INTS6: variants seen among roughly 807,000 people sequenced by gnomAD.
The protein encoded by INTS6 is DEAD box protein.
Under a neutral mutation model 104.9 loss-of-function variants are expected in INTS6, and 16 were observed. The observed-to-expected ratio is 0.15, with a 90% CI of 0.10 to 0.23. The LOEUF (loss-of-function observed/expected upper bound fraction) is 0.23, where lower values mean the gene tolerates loss of function less well. Among genes scored for constraint, INTS6 ranks in the 10% least tolerant of loss-of-function variants. The pLI is 1.00. For missense variants in INTS6, 584 were observed against 1,062.8 expected, an observed-to-expected ratio of 0.55 and a Z score of 6.26; for synonymous variants, 324 against 358.7, an observed-to-expected ratio of 0.90 and a Z score of 1.09.
At chr13:51,395,051 A>G (rs1956311084) in intron 5 of INTS6, among the ~76,000 whole-genome samples, 1 of 152,218 alleles carries the variant, frequency 6.6e-6, no homozygotes, top group Non-Finnish European at 1.5e-5. Context: ...ACAACTTCAA[A>G]TAATAGCATT....
Position 51,364,035 on chromosome 13 carries a change from A to G in INTS6, c.*1717T>C, listed in dbSNP as rs983683076. 1.2e-5 allele frequency: 4 copies of G among 345,188 alleles called. No individual in the cohort carries two copies. Among genetic ancestry groups the G allele is most frequent in the Admixed American group, 4.7e-5 (1 of 21,468 alleles). The allele number at this position is 345,188 out of a possible 1,614,324, so 21.4% of individuals were successfully genotyped here. A position where few individuals can be genotyped will look rare whatever the true frequency, so the allele number is the denominator to read the frequency against. On this transcript the variant is annotated 3_prime_UTR_variant, in exon 18 of 18. Transcript: ENST00000311234. ...TAGTAATTCCAGAATCTAAATATATATAATTTAGGAACAGACAATATATTC... is the reference window on the plus strand; with the variant it reads ...TAGTAATTCCAGAATCTAAATATATGTAATTTAGGAACAGACAATATATTC...
At position 51,451,981 on chromosome 13, in the gene INTS6, G is replaced by A. The variant is rs751078298; in HGVS notation, c.186C>T (p.Ile62=). Residue 62 remains isoleucine (I), a synonymous_variant, in exon 2 of 18, where the codon ATC becomes ATT. Transcript: ENST00000311234. ...LVTFEEPPYA[I]KAGWKENHAT... ...GGGGGAGGGCGAGGGCTGTTACCTT[G>A]ATAGCATAGGGCGGCTCTTCGAAAG... is the stretch of plus-strand genomic sequence containing the variant. 6.2e-7 allele frequency: 1 copy of A among 1,608,818 alleles called. No homozygotes were observed. The highest frequency in any genetic ancestry group is 8.5e-7 in the Non-Finnish European group (1 of 1,176,868).
the INTS6 span, chr13:51,339,676 A>G: frequency 2.0e-5 from 3 of 152,250 alleles, no homozygotes; most frequent in South Asian, 6.2e-4. Flanking sequence ...AAAGGGGAGC[A>G]CATGAATGCT....
In INTS6 at chr13:51,452,065, G is replaced by A; in HGVS notation, c.112-10C>T. On this transcript the variant is annotated splice_polypyrimidine_tract_variant and intron_variant, in intron 1 of 17. Transcript: ENST00000311234. This position sits in a 1 kb window ranked among gnomAD's most constrained non-coding sequence, Gnocchi z 4.2. ...GGTCCCGGGCACGGAGCTGCGGGAC[G>A]GGAGGAGGAACAGGGCGGGCGACAG... 3 of 1,608,816 alleles carry A rather than the reference G, an allele frequency of 1.9e-6. No individual in the cohort carries two copies. Among genetic ancestry groups the A allele is most frequent in the Non-Finnish European group, 2.5e-6 (3 of 1,177,404 alleles).
At position 51,397,146 on chromosome 13, in the gene INTS6, A is replaced by G. The variant is rs1263147818; in HGVS notation, c.430-1663T>C. Among the ~76,000 whole-genome samples the G allele has an allele frequency of 3.3e-5, 5 of 152,190 alleles. No homozygotes were observed. In the East Asian group the frequency reaches 9.6e-4, roughly 29 times the overall value. ...AGCAAGACCTAATTGTATTGTGTAC[A>G]GCCTTTCTAAATCTCACACAGAGAA... is the stretch of plus-strand genomic sequence containing the variant. On this transcript the variant is annotated intron_variant, in intron 4 of 17. Coordinates refer to ENST00000311234, the MANE Select transcript of INTS6 (RefSeq NM_012141.3).
chr13:51,360,759 A>G (rs1248706852), downstream of INTS6, among the ~76,000 whole-genome samples: 1 of 152,082 alleles, frequency 6.6e-6, no homozygotes, highest in Non-Finnish European at 1.5e-5. Context: ...TTGTGCCTCA[A>G]TAAAGCCTGT....
Position 51,364,273 on chromosome 13 carries a change from C to T in INTS6, c.*1479G>A. 6.8e-7 allele frequency: 1 copy of T among 1,477,144 alleles called. No individual in the cohort carries two copies. The highest frequency in any genetic ancestry group is 1.2e-5 in the South Asian group (1 of 80,014). 91.5% of individuals were successfully genotyped at this position (1,477,144 alleles called of 1,614,324 possible). A position where few individuals can be genotyped will look rare whatever the true frequency, so the allele number is the denominator to read the frequency against. ...TCAGTATTGGGAGAGTTTCAAATCC[C>T]CTAGACTAAATGCATGTTCTCCACT... is the stretch of plus-strand genomic sequence containing the variant. On this transcript the variant is annotated 3_prime_UTR_variant, in exon 18 of 18. Transcript: ENST00000311234.
At chr13:51,449,965 C>T (rs1336517299) in intron 3 of INTS6, 1 of 985,180 alleles carries the variant, frequency 1.0e-6, no homozygotes, top group Non-Finnish European at 1.2e-6. Context: ...TTTCCAAAGA[C>T]ACTTAAGCAC....
At chr13:51,338,225 A>T in the INTS6 span, among the ~76,000 whole-genome samples, 1 of 152,170 alleles carries the variant, frequency 6.6e-6, no homozygotes, top group African/African-American at 2.4e-5. Context: ...TTCCCCTGGA[A>T]TTCCTGCTAC....
the INTS6 span, chr13:51,346,984 T>C: frequency 1.7e-4 from 254 of 1,454,706 alleles, no homozygotes; most frequent in Non-Finnish European, 2.3e-4. Context: ...TCAGTTTCAA[T>C]GCACATTTAA....
intron 4 of INTS6, among the ~76,000 whole-genome samples, chr13:51,427,687 T>G (rs1479768715): frequency 6.6e-6 from 1 of 152,198 alleles, no homozygotes; most frequent in African/African-American, 2.4e-5. Flanking sequence ...TTAAAACAAA[T>G]GAACCTTCCA....
chr13:51,404,371 C>T (rs1262424862), intron 4 of INTS6, among the ~76,000 whole-genome samples: 1 of 151,800 alleles, frequency 6.6e-6, no homozygotes, highest in Non-Finnish European at 1.5e-5. Context: ...TAATGTAAGT[C>T]ACGAGTCACA....
chr13:51,453,019 C>G lies in INTS6; in HGVS notation c.-494G>C. On this transcript the variant is annotated 5_prime_UTR_variant, in exon 1 of 18. Transcript: ENST00000311234. ...CCGGCGGTGTCACCACTTTCTCAGC[C>G]CCTCTCGCTACTGAAGCGCTTTTCT... 9.9e-7 allele frequency: 1 copy of G among 1,011,420 alleles called. No homozygotes were observed. The highest frequency in any genetic ancestry group is 1.2e-6 in the Non-Finnish European group (1 of 846,048). 62.7% of individuals were successfully genotyped at this position (1,011,420 alleles called of 1,614,324 possible).
chr13:51,368,085 A>C (rs1955728967), intron 16 of INTS6, among the ~76,000 whole-genome samples, 187 bp from the exon 17 acceptor site: 1 of 152,174 alleles, frequency 6.6e-6, no homozygotes. Context: ...AGCAACAAAG[A>C]TAAAACAACT....
At position 51,452,082 on chromosome 13, in the gene INTS6, G is replaced by C; in HGVS notation, c.112-27C>G. The stretch of plus-strand genomic sequence containing the variant: ...TGCGGGACGGGAGGAGGAACAGGGC[G>C]GGCGACAGGGAAGCACAGAGGCGAG... On this transcript the variant is annotated intron_variant, in intron 1 of 17. Coordinates refer to ENST00000311234, the MANE Select transcript of INTS6 (RefSeq NM_012141.3). This position sits in a 1 kb window ranked among gnomAD's most constrained non-coding sequence, Gnocchi z 4.2. 1 of 1,600,838 alleles carries C rather than the reference G, an allele frequency of 6.2e-7. No individual in the cohort carries two copies. Among genetic ancestry groups the C allele is most frequent in the Non-Finnish European group, 8.5e-7 (1 of 1,171,530 alleles).
In INTS6 at chr13:51,385,859, C is replaced by T. The variant is rs370509004; in HGVS notation, c.894+1527G>A. Among the ~76,000 whole-genome samples, 162 of 152,194 alleles carry T rather than the reference C, an allele frequency of 1.1e-3. 1 individual carries two copies. Among genetic ancestry groups the T allele is most frequent in the African/African-American group, 3.8e-3 (159 of 41,522 alleles). On this transcript the variant is annotated intron_variant, in intron 7 of 17. Transcript: ENST00000311234. The stretch of plus-strand genomic sequence containing the variant: ...CATATCAATAGCCCTCATAGGTAAC[C>T]TACCTGCCTTTCAACTCATCTCCCC...
chr13:51,385,906 C>A (rs571954638), intron 7 of INTS6, among the ~76,000 whole-genome samples: 6 of 152,132 alleles, frequency 3.9e-5, no homozygotes, highest in Non-Finnish European at 1.5e-5. Context: ...CTGCATATAA[C>A]CACCACCAAA....
At chr13:51,435,668 A>G (rs1395034053) in intron 3 of INTS6, among the ~76,000 whole-genome samples, 1 of 152,078 alleles carries the variant, frequency 6.6e-6, no homozygotes, top group East Asian at 1.9e-4. Context: ...AACTAACCTG[A>G]TCTCAGGAAA....
At position 51,397,915 on chromosome 13, in the gene INTS6, A is replaced by G. The variant is rs550180228; in HGVS notation, c.430-2432T>C. ...AATGAAATAAATGGCCTTTGGCTGT[A>G]CAATGCTGAATCTAGAATGAATTTC... On this transcript the variant is annotated intron_variant, in intron 4 of 17. Coordinates refer to ENST00000311234, the MANE Select transcript of INTS6 (RefSeq NM_012141.3). 2.0e-5 allele frequency among the ~76,000 whole-genome samples: 3 copies of G among 152,264 alleles called. No homozygotes were observed. The South Asian group carries it at 6.2e-4, about 32-fold the overall frequency.
Sources: gnomAD v4.1 joint callset for allele counts (sites outside exome capture counted in the v4.1 genomes callset) on GRCh38, gnomAD v4.1.1 for gene constraint, Gnocchi (gnomAD v3.1) non-coding constraint, MANE v1.5 for transcripts, NCBI Gene and HGNC (gene_info 2026-07-23, HGNC 2026-07-21) for gene names.